CHD1L: variants seen among roughly 807,000 people sequenced by gnomAD.
The protein encoded by CHD1L is ATP-dependent chromatin remodeler CHD1L.
A neutral mutation model predicts 115.9 loss-of-function variants in CHD1L; 118 were observed. That is an observed-to-expected ratio of 1.02 (90% confidence interval 0.88 to 1.19). The LOEUF is 1.19. Ranked by LOEUF, CHD1L falls within the 50% of genes most tolerant of loss-of-function variation. The probability of loss-of-function intolerance (pLI) is 0.00; values close to 1 mark genes in which losing one functional copy is unlikely to be tolerated. For synonymous variants in CHD1L, 411 were observed against 387.1 expected (o/e 1.06, Z -0.72); for missense variants, 1,179 against 1,065.3 (o/e 1.11, Z -1.49).
chr1:147,280,043 A>G lies in CHD1L; in HGVS notation c.1557A>G (p.Lys519=). 1 of 1,613,972 alleles carries G rather than the reference A, an allele frequency of 6.2e-7. No homozygotes were observed. The change falls in exon 15 of 23, where the codon AAA becomes AAG. Residue 519 remains lysine (K), a synonymous_variant. Coordinates refer to ENST00000369258, the MANE Select transcript of CHD1L (RefSeq NM_004284.6). ...TATTCAAGTTGAGTGAGATACTCAA[A>G]TTTGGTTTGGATAAACTGCTGGCCT... is the stretch of plus-strand genomic sequence containing the variant. ...DADLQLSEIL[K]FGLDKLLASE...
chr1:147,233,886 C>T, the CHD1L span, among the ~76,000 whole-genome samples: 1 of 151,830 alleles, frequency 6.6e-6, no homozygotes, highest in Non-Finnish European at 1.5e-5. Flanking sequence ...TAAACAGAAG[C>T]TTGAAGGCAG....
At chr1:147,179,550 C>T in the CHD1L span, 3 of 1,586,044 alleles carry the variant, frequency 1.9e-6, no homozygotes, top group Non-Finnish European at 2.6e-6. Context: ...TATTAGCTAT[C>T]TACAACGAGA....
At chr1:147,243,840 A>G (rs1215122608) in intron 1 of CHD1L, among the ~76,000 whole-genome samples, 5 of 152,242 alleles carry the variant, frequency 3.3e-5, no homozygotes, top group Admixed American at 1.3e-4. Flanking sequence ...AGTATAAACT[A>G]ATTTATTTAA....
intron 1 of CHD1L, among the ~76,000 whole-genome samples, chr1:147,251,930 G>T (rs1327744523): frequency 6.6e-6 from 1 of 152,044 alleles, no homozygotes; most frequent in Non-Finnish European, 1.5e-5. Context: ...TTTTTTAAAG[G>T]TATAAGTTAA....
the CHD1L span, chr1:147,187,183 G>T: frequency 2.5e-6 from 4 of 1,614,008 alleles, no homozygotes; most frequent in Non-Finnish European, 3.4e-6. Context: ...CACCAAATCA[G>T]CAAGCTCTTC....
the CHD1L span, among the ~76,000 whole-genome samples, chr1:147,193,194 A>T: frequency 6.6e-6 from 1 of 152,062 alleles, no homozygotes; most frequent in Non-Finnish European, 1.5e-5. Flanking sequence ...AGAGCCTGTT[A>T]TTGGTCTATT....
rs1355445511 is a variant in CHD1L at position 147,283,008 on chromosome 1, A to G, written c.1706-1343A>G. 7.2e-5 allele frequency among the ~76,000 whole-genome samples: 11 copies of G among 152,344 alleles called. No individual in the cohort carries two copies. In the East Asian group the frequency reaches 1.9e-3, roughly 27 times the overall value. On this transcript the variant is annotated intron_variant, in intron 15 of 22. Transcript: ENST00000369258. ...GATAGGAAGTATGATTACAAAGAAT[A>G]TAAGTGGATAGGAAAGACTAGTAAC...
intron 17 of CHD1L, among the ~76,000 whole-genome samples, chr1:147,285,880 TAG>T (rs1242870981): frequency 6.6e-6 from 1 of 152,058 alleles, no homozygotes; most frequent in African/African-American, 2.4e-5. Context: ...TTATTATTTG[TAG>T]AGACAGAGTT....
the CHD1L span, among the ~76,000 whole-genome samples, chr1:147,202,312 CTTTTTTTT>C: frequency 2.4e-3 from 188 of 77,456 alleles, 1 homozygote; most frequent in Admixed American, 4.2e-3. Flanking sequence ...AAAAGCAGTT[CTTTTTTTT>C]TTTTTTTTTT....
At chr1:147,287,398 A>G (rs1683589575) in intron 18 of CHD1L, among the ~76,000 whole-genome samples, 1 of 152,204 alleles carries the variant, frequency 6.6e-6, no homozygotes, top group Non-Finnish European at 1.5e-5. Flanking sequence ...GATTTTGCTC[A>G]TTGAGAACCC....
At chr1:147,240,806 A>C (rs4950313), upstream of CHD1L, among the ~76,000 whole-genome samples, 29,231 of 152,028 alleles carry the variant, frequency 0.19, 3,331 homozygotes, top group Middle Eastern at 0.26. Flanking sequence ...ATTTGTTCAC[A>C]TGTTTTCATG....
At chr1:147,282,021 A>G (rs587764290) in intron 15 of CHD1L, among the ~76,000 whole-genome samples, 1 of 152,246 alleles carries the variant, frequency 6.6e-6, no homozygotes, top group South Asian at 2.1e-4. Flanking sequence ...TCACCATGGT[A>G]CCTCTTTTTC....
chr1:147,255,622 T>G (rs1669851631), intron 3 of CHD1L, among the ~76,000 whole-genome samples, 191 bp from the exon 4 acceptor site: 2 of 152,182 alleles, frequency 1.3e-5, no homozygotes, highest in African/African-American at 4.8e-5. Flanking sequence ...TCCCTCTACC[T>G]GTTCACATAG....
intron 6 of CHD1L, among the ~76,000 whole-genome samples, chr1:147,262,853 A>G (rs1451076252): frequency 3.3e-5 from 5 of 152,164 alleles, no homozygotes; most frequent in Admixed American, 6.5e-5. Context: ...AAAGACAAGA[A>G]GAAAAGGAAA....
intron 12 of CHD1L, 128 bp downstream of exon 12, chr1:147,272,409 G>T: frequency 3.1e-6 from 2 of 647,332 alleles, no homozygotes; most frequent in South Asian, 2.1e-5. Context: ...TGTAAAACAA[G>T]GTACTGGACA....
intron 20 of CHD1L, among the ~76,000 whole-genome samples, chr1:147,292,432 C>A (rs781784473): frequency 6.6e-6 from 1 of 152,138 alleles, no homozygotes; most frequent in Non-Finnish European, 1.5e-5. Context: ...GGTTCATGTT[C>A]AGATTTTAAG....
the CHD1L span, chr1:147,211,406 G>A: frequency 6.6e-6 from 1 of 151,984 alleles, no homozygotes. Context: ...CCTGATAAAT[G>A]TCTGTTGAAT....
At chr1:147,209,275 A>G in the CHD1L span, among the ~76,000 whole-genome samples, 1 of 151,942 alleles carries the variant, frequency 6.6e-6, no homozygotes, top group African/African-American at 2.4e-5. Context: ...CGTCTCTACT[A>G]AAAATACAAA....
Position 147,285,375 on chromosome 1 carries a change from A to G in CHD1L, c.1906A>G (p.Ser636Gly). The change falls in exon 17 of 23, where the codon AGT becomes GGT. Residue 636 changes from serine (S) to glycine (G), a missense_variant. Coordinates refer to ENST00000369258, the MANE Select transcript of CHD1L (RefSeq NM_004284.6). ...ATCTACCAAAAGGAAGCGGGTTCTG[A>G]GTCCAGAAGAGCTGGAGGACAGACA... is the stretch of plus-strand genomic sequence containing the variant. ...EGSTKRKRVLSPEELEDRQKK... is the reference protein window; with the variant it reads ...EGSTKRKRVLGPEELEDRQKK... The G allele has an allele frequency of 6.2e-7, 1 of 1,613,930 alleles. No individual in the cohort carries two copies. Among genetic ancestry groups the G allele is most frequent in the Non-Finnish European group, 8.5e-7 (1 of 1,179,866 alleles).
Sources: allele counts gnomAD v4.1 joint callset (sites outside exome capture counted in the v4.1 genomes callset), GRCh38; gene constraint gnomAD v4.1.1; transcripts MANE v1.5; gene names NCBI Gene and HGNC (gene_info 2026-07-23, HGNC 2026-07-21).